Variants in CLIC4 observed in about 807,000 individuals in gnomAD.
CLIC4 encodes the protein CLIC family member 4, also known as chloride intracellular channel protein 4.
Under a neutral mutation model 24.6 loss-of-function variants are expected in CLIC4, and 13 were observed. That is an observed-to-expected ratio of 0.53 (90% CI 0.34 to 0.84). The LOEUF (loss-of-function observed/expected upper bound fraction) is 0.84. Among genes scored for constraint, CLIC4 ranks in the 40% least tolerant of loss-of-function variants. The pLI, the probability that CLIC4 is intolerant of heterozygous loss-of-function variation, is 0.01. For missense variants in CLIC4, 227 were observed against 301.7 expected (o/e 0.75, Z 1.83); for synonymous variants, 104 against 111.3 (o/e 0.93, Z 0.41).
intron 2 of CLIC4, among the ~76,000 whole-genome samples, chr1:24,800,646 T>C (rs1639477054): frequency 6.6e-6 from 1 of 152,162 alleles, no homozygotes; most frequent in African/African-American, 2.4e-5. Context: ...GGGGAGAAGA[T>C]TGAGAAATCG....
chr1:24,783,352 C>T (rs545276157), intron 1 of CLIC4, among the ~76,000 whole-genome samples: 2 of 152,094 alleles, frequency 1.3e-5, no homozygotes, highest in Non-Finnish European at 2.9e-5. Flanking sequence ...AACATCACAA[C>T]AGAATCTTTT....
At chr1:24,799,501 C>G (rs1639449430) in intron 2 of CLIC4, among the ~76,000 whole-genome samples, 1 of 148,654 alleles carries the variant, frequency 6.7e-6, no homozygotes, top group African/African-American at 2.5e-5. Flanking sequence ...GGCAGCCACC[C>G]CATCTGGGAA....
chr1:24,780,295 C>G (rs930420284), intron 1 of CLIC4, among the ~76,000 whole-genome samples: 3 of 152,232 alleles, frequency 2.0e-5, no homozygotes, highest in African/African-American at 7.2e-5. Flanking sequence ...ATATCTCAAA[C>G]CAGGCACTTT....
chr1:24,762,608 T>C (rs1638942931), intron 1 of CLIC4, among the ~76,000 whole-genome samples: 3 of 151,888 alleles, frequency 2.0e-5, no homozygotes, highest in Admixed American at 1.3e-4. Context: ...TAGAGTGAGG[T>C]AGGAAGAAGC....
In CLIC4 at chr1:24,768,903, C is replaced by CA. The variant is rs71032856; in HGVS notation, c.72+23295dup. On this transcript the variant is annotated intron_variant, in intron 1 of 5. Transcript: ENST00000374379. Reference sequence around the variant, plus strand: ...GCGACAGAGTGAGACTCTGCCTCACCAAAAAAAAAAAAAAAAAGAAAAAGA... The same window carrying CA: ...GCGACAGAGTGAGACTCTGCCTCACCAAAAAAAAAAAAAAAAAAGAAAAAGA... Among the ~76,000 whole-genome samples, 118 of 107,250 alleles carry CA rather than the reference C, an allele frequency of 1.1e-3. 1 individual carries two copies. The highest frequency in any genetic ancestry group is 5.1e-3 in the Middle Eastern group (1 of 198). The allele number at this position is 107,250 out of a possible 152,430, so 70.4% of individuals were successfully genotyped here.
chr1:24,820,914 T>A (rs1376877648), intron 3 of CLIC4, among the ~76,000 whole-genome samples: 1 of 152,198 alleles, frequency 6.6e-6, no homozygotes, highest in Non-Finnish European at 1.5e-5. Context: ...CTGGGCGCGG[T>A]GGCTCATGCC....
intron 1 of CLIC4, among the ~76,000 whole-genome samples, chr1:24,764,923 C>T (rs1437112607): frequency 6.6e-6 from 1 of 152,142 alleles, no homozygotes; most frequent in Non-Finnish European, 1.5e-5. Flanking sequence ...CATGTCTTTA[C>T]TAAGTGCCTA....
At chr1:24,820,319 G>A (rs1639717768) in intron 3 of CLIC4, among the ~76,000 whole-genome samples, 1 of 111,886 alleles carries the variant, frequency 8.9e-6, no homozygotes, top group Non-Finnish European at 1.7e-5. Flanking sequence ...CTGTTGCCCA[G>A]GCTGGAGTGC....
intron 2 of CLIC4, among the ~76,000 whole-genome samples, chr1:24,804,620 GAC>G (rs1473998246): frequency 4.6e-5 from 7 of 151,682 alleles, no homozygotes; most frequent in Admixed American, 1.3e-4. Context: ...GGGAGATATA[GAC>G]ACACAGAGAG....
Position 24,781,309 on chromosome 1 carries a change from A to ATT in CLIC4, c.73-16420_73-16419dup, listed in dbSNP as rs540750422. 1.1e-3 allele frequency among the ~76,000 whole-genome samples: 159 copies of ATT among 140,246 alleles called. 1 individual carries two copies. The highest frequency in any genetic ancestry group is 1.4e-3 in the Non-Finnish European group (89 of 64,786). The allele number at this position is 140,246 out of a possible 152,430, so 92.0% of individuals were successfully genotyped here. On this transcript the variant is annotated intron_variant, in intron 1 of 5. Transcript: ENST00000374379. ...GCCACCATGCCCGGCAAATTTTTGT[A>ATT]TTTTTTTTTTTTTTAGTAGAGATGG...
intron 1 of CLIC4, among the ~76,000 whole-genome samples, chr1:24,768,418 C>T (rs1462873756): frequency 6.6e-6 from 1 of 152,136 alleles, no homozygotes; most frequent in Non-Finnish European, 1.5e-5. Flanking sequence ...AACACATCTA[C>T]ATTTCTCTTA....
chr1:24,798,832 A>G (rs1639436994), intron 2 of CLIC4, among the ~76,000 whole-genome samples: 1 of 152,158 alleles, frequency 6.6e-6, no homozygotes, highest in South Asian at 2.1e-4. Flanking sequence ...GTTTTGGTGG[A>G]GACGGGGTTT....
chr1:24,829,256 C>T (rs1639816871), intron 4 of CLIC4, among the ~76,000 whole-genome samples: 1 of 152,064 alleles, frequency 6.6e-6, no homozygotes, highest in African/African-American at 2.4e-5. Context: ...GGACTTAATT[C>T]TAAGTAAGGG....
chr1:24,758,058 C>T (rs1288147018), intron 1 of CLIC4, among the ~76,000 whole-genome samples: 4 of 152,090 alleles, frequency 2.6e-5, no homozygotes, highest in Admixed American at 2.6e-4. Context: ...CGTGCCCAGC[C>T]CTATTTAGCC....
rs566303496 is a variant in CLIC4 at position 24,824,100 on chromosome 1, A to G, written c.309-2910A>G. Among the ~76,000 whole-genome samples, 3 of 152,358 alleles carry G rather than the reference A, an allele frequency of 2.0e-5. No individual in the cohort carries two copies. In the South Asian group the frequency reaches 6.2e-4, roughly 32 times the overall value. On this transcript the variant is annotated intron_variant, in intron 3 of 5. Coordinates refer to ENST00000374379, the MANE Select transcript of CLIC4 (RefSeq NM_013943.3). Reference sequence around the variant, plus strand: ...ATCAAGCTATTTGCTAAAGCCAATAATAATGCATAAATTACAATGTAATGT... The same window carrying G: ...ATCAAGCTATTTGCTAAAGCCAATAGTAATGCATAAATTACAATGTAATGT...
chr1:24,797,081 G>A (rs956212844), intron 1 of CLIC4, among the ~76,000 whole-genome samples: 8 of 151,168 alleles, frequency 5.3e-5, no homozygotes, highest in Admixed American at 4.6e-4. Flanking sequence ...AGCCTTTTGA[G>A]TAGCTGGGAC....
chr1:24,759,773 A>T (rs1638897750), intron 1 of CLIC4, among the ~76,000 whole-genome samples: 1 of 151,710 alleles, frequency 6.6e-6, no homozygotes, highest in Admixed American at 6.6e-5. Context: ...ACGTGGGGAA[A>T]CCCCATCGTT....
At position 24,841,037 on chromosome 1, in the gene CLIC4, G is replaced by A. The variant is rs187308024; in HGVS notation, c.*100G>A. ...GTAGAGCAGAAATTGTATTTTGCAC[G>A]AACATGCAGTTATTGAAGATTAGGA... On this transcript the variant is annotated 3_prime_UTR_variant, in exon 6 of 6. Coordinates refer to ENST00000374379, the MANE Select transcript of CLIC4 (RefSeq NM_013943.3). 1.8e-4 allele frequency: 173 copies of A among 975,916 alleles called. No homozygotes were observed. In the East Asian group the frequency reaches 3.6e-3, roughly 20 times the overall value. 60.5% of individuals were successfully genotyped at this position (975,916 alleles called of 1,614,324 possible).
chr1:24,843,539 GCT>G lies in CLIC4; in HGVS notation c.*2607_*2608del, dbSNP rs1190722424. ...AATTTTTGTATTCAGCAGTTGGAAA[GCT>G]CTCTATTCTAGTTGATAAAACTTCC... On this transcript the variant is annotated 3_prime_UTR_variant, in exon 6 of 6. Transcript: ENST00000374379. The G allele has an allele frequency of 2.0e-5, 3 of 152,192 alleles. No individual in the cohort carries two copies. The highest frequency in any genetic ancestry group is 1.5e-5 in the Non-Finnish European group (1 of 68,016). 9.4% of individuals were successfully genotyped at this position (152,192 alleles called of 1,614,324 possible). A position where few individuals can be genotyped will look rare whatever the true frequency, so the allele number is the denominator to read the frequency against.
Sources: gnomAD v4.1 joint callset for allele counts (sites outside exome capture counted in the v4.1 genomes callset) on GRCh38, gnomAD v4.1.1 for gene constraint, MANE v1.5 for transcripts, NCBI Gene and HGNC (gene_info 2026-07-23, HGNC 2026-07-21) for gene names.